Variants in CHST11 observed in about 807,000 individuals in gnomAD.
CHST11 encodes C4S-1.
A neutral mutation model predicts 30.4 loss-of-function variants in CHST11; 9 were observed. The ratio of observed to expected loss-of-function variants is 0.30; its 90% CI spans 0.18 to 0.52. The LOEUF is 0.52. Among genes scored for constraint, CHST11 ranks in the 20% least tolerant of loss-of-function variants. The pLI is 0.97. For missense variants in CHST11, 348 were observed against 460.6 expected, an observed-to-expected ratio of 0.76 and a Z score of 2.24; for synonymous variants, 152 against 187.8, an observed-to-expected ratio of 0.81 and a Z score of 1.56.
chr12:104,659,688 A>G (rs1274113555), intron 2 of CHST11, among the ~76,000 whole-genome samples: 2 of 152,224 alleles, frequency 1.3e-5, no homozygotes, highest in Non-Finnish European at 2.9e-5. Flanking sequence ...AATTATGGCC[A>G]GGCACAGTGG....
At position 104,479,509 on chromosome 12, in the gene CHST11, C is replaced by T. The variant is rs1014269828; in HGVS notation, c.118+21980C>T. 4.6e-5 allele frequency among the ~76,000 whole-genome samples: 7 copies of T among 152,090 alleles called. No homozygotes were observed. In the East Asian group the frequency reaches 7.7e-4, roughly 17 times the overall value. On this transcript the variant is annotated intron_variant, in intron 1 of 2. Transcript: ENST00000303694. ...AGTGAGCAAATCTCATTGGTGTGGC[C>T]GGGATCACATGCCCAGTTTGAGAGT...
intron 1 of CHST11, among the ~76,000 whole-genome samples, chr12:104,473,430 G>A (rs997346912): frequency 6.6e-6 from 1 of 152,176 alleles, no homozygotes; most frequent in Admixed American, 6.5e-5. Flanking sequence ...GTAAATAGTC[G>A]CAGGGAAGAG....
At chr12:104,683,929 G>A (rs1271530324) in intron 2 of CHST11, among the ~76,000 whole-genome samples, 1 of 152,174 alleles carries the variant, frequency 6.6e-6, no homozygotes. Context: ...AGTAACCTAA[G>A]CTAGAGAGGC....
chr12:104,603,184 G>C (rs2038973450), intron 2 of CHST11, among the ~76,000 whole-genome samples: 1 of 152,122 alleles, frequency 6.6e-6, no homozygotes, highest in Non-Finnish European at 1.5e-5. Flanking sequence ...AGGTCTCCCA[G>C]CCTGTCCACA....
chr12:104,662,995 G>A (rs1035262881), intron 2 of CHST11, among the ~76,000 whole-genome samples: 4 of 152,222 alleles, frequency 2.6e-5, no homozygotes, highest in African/African-American at 9.6e-5. Context: ...TTTATTTAAT[G>A]TGATTTGGTT....
chr12:104,514,357 A>T, intron 1 of CHST11: 1 of 940,052 alleles, frequency 1.1e-6, no homozygotes, highest in Non-Finnish European at 1.8e-6. Flanking sequence ...CTCTTCTTCT[A>T]TGCCATTCTG....
chr12:104,745,603 T>G (rs2040383819), intron 2 of CHST11, among the ~76,000 whole-genome samples: 1 of 152,246 alleles, frequency 6.6e-6, no homozygotes, highest in Non-Finnish European at 1.5e-5. Context: ...TTGTGTCATC[T>G]CTGATTTTTT....
At chr12:104,647,815 G>A (rs2039449593) in intron 2 of CHST11, among the ~76,000 whole-genome samples, 1 of 152,198 alleles carries the variant, frequency 6.6e-6, no homozygotes. Flanking sequence ...TCAGATGTTG[G>A]CTGGGGCTGC....
At chr12:104,706,345 C>T (rs1238278966) in intron 2 of CHST11, among the ~76,000 whole-genome samples, 4 of 151,054 alleles carry the variant, frequency 2.6e-5, no homozygotes, top group South Asian at 2.1e-4. Flanking sequence ...GATTGCACCA[C>T]TGCACTCCAG....
chr12:104,512,991 T>C (rs929238553), intron 1 of CHST11, among the ~76,000 whole-genome samples: 8 of 152,026 alleles, frequency 5.3e-5, no homozygotes, highest in African/African-American at 1.5e-4. Flanking sequence ...CAACTCCAGG[T>C]TGCACATGAG....
chr12:104,514,769 C>T (rs146895659), intron 1 of CHST11, among the ~76,000 whole-genome samples: 615 of 152,280 alleles, frequency 4.0e-3, no homozygotes, highest in African/African-American at 5.6e-3. Context: ...ACAAGTCACT[C>T]GTTACCCCAG....
At chr12:104,518,757 A>G (rs980248390) in intron 1 of CHST11, among the ~76,000 whole-genome samples, 4 of 152,220 alleles carry the variant, frequency 2.6e-5, no homozygotes, top group African/African-American at 7.2e-5. Flanking sequence ...TCCAAGCTGC[A>G]TAATGAATAT....
intron 2 of CHST11, among the ~76,000 whole-genome samples, chr12:104,708,542 G>A (rs895156055): frequency 6.6e-6 from 1 of 152,150 alleles, no homozygotes; most frequent in African/African-American, 2.4e-5. Context: ...TGACAGCTCC[G>A]AGGCTGGCCA....
At position 104,723,774 on chromosome 12, in the gene CHST11, C is replaced by A. The variant is rs150220282; in HGVS notation, c.205-33175C>A. Among the ~76,000 whole-genome samples, 784 of 152,234 alleles carry A rather than the reference C, an allele frequency of 5.1e-3. 4 individuals are homozygous for A. The highest frequency in any genetic ancestry group is 7.5e-3 in the Admixed American group (114 of 15,296). The stretch of plus-strand genomic sequence containing the variant: ...CGTATCACTTTAGTGCCCAGAAGAC[C>A]GAGCGATTGGACTGGGTGTTTTCTG... On this transcript the variant is annotated intron_variant, in intron 2 of 2. Coordinates refer to ENST00000303694, the MANE Select transcript of CHST11 (RefSeq NM_018413.6).
intron 1 of CHST11, among the ~76,000 whole-genome samples, chr12:104,462,938 C>T (rs1484163744): frequency 2.0e-5 from 3 of 152,104 alleles, no homozygotes; most frequent in Non-Finnish European, 4.4e-5. Flanking sequence ...TTTTCATTGC[C>T]TTCCAAAATA....
intron 1 of CHST11, among the ~76,000 whole-genome samples, chr12:104,581,608 G>T (rs1190803299): frequency 3.3e-5 from 5 of 152,166 alleles, no homozygotes; most frequent in Admixed American, 3.3e-4. Context: ...CAGTTATTTG[G>T]TGGGCAGGAG....
chr12:104,690,360 T>C (rs1184177286), intron 2 of CHST11, among the ~76,000 whole-genome samples: 1 of 152,254 alleles, frequency 6.6e-6, no homozygotes, highest in Non-Finnish European at 1.5e-5. Context: ...TGTATTTCTC[T>C]TTTCAATTTG....
intron 2 of CHST11, among the ~76,000 whole-genome samples, chr12:104,662,777 A>G (rs2039608899): frequency 1.3e-5 from 2 of 152,206 alleles, no homozygotes; most frequent in Non-Finnish European, 2.9e-5. Context: ...TTTTAGGTGT[A>G]ATACAAGTAG....
intron 2 of CHST11, among the ~76,000 whole-genome samples, chr12:104,640,364 G>A (rs2039364150): frequency 6.6e-6 from 1 of 152,134 alleles, no homozygotes; most frequent in Non-Finnish European, 1.5e-5. Flanking sequence ...AACACACTAT[G>A]ATGCATCCAT....
Sources: gnomAD v4.1 joint callset for allele counts (sites outside exome capture counted in the v4.1 genomes callset) on GRCh38, gnomAD v4.1.1 for gene constraint, MANE v1.5 for transcripts, NCBI Gene and HGNC (gene_info 2026-07-23, HGNC 2026-07-21) for gene names.